Variants in PTPRD observed in about 807,000 individuals in gnomAD.
PTPRD encodes the protein protein tyrosine phosphatase receptor type D, also known as receptor-type tyrosine-protein phosphatase delta.
A neutral mutation model predicts 214.5 loss-of-function variants in PTPRD; 34 were observed. The observed-to-expected ratio is 0.16, with a 90% confidence interval of 0.12 to 0.21. The LOEUF is 0.21. Ranked by LOEUF, PTPRD falls within the 10% of genes least tolerant of loss-of-function variation. The pLI is 1.00. For synonymous variants in PTPRD, 1,128 were observed against 845.7 expected, an observed-to-expected ratio of 1.33 and a Z score of -5.79; for missense variants, 2,545 against 2,398.7, an observed-to-expected ratio of 1.06 and a Z score of -1.27.
intron 10 of PTPRD, among the ~76,000 whole-genome samples, chr9:9,181,820 A>C (rs2131439851): frequency 6.6e-6 from 1 of 152,210 alleles, no homozygotes; most frequent in Admixed American, 6.6e-5. Context: ...TCAGACAGAA[A>C]TAGAACTAAA....
At chr9:8,388,145 T>C (rs915422291) in intron 37 of PTPRD, among the ~76,000 whole-genome samples, 2 of 150,832 alleles carry the variant, frequency 1.3e-5, no homozygotes, top group Non-Finnish European at 3.0e-5. Flanking sequence ...CAGTTGTGGC[T>C]TTTTAATATG....
At chr9:9,647,802 A>G (rs1449945720) in intron 7 of PTPRD, among the ~76,000 whole-genome samples, 16 of 152,174 alleles carry the variant, frequency 1.1e-4, no homozygotes, top group Admixed American at 2.6e-4. Flanking sequence ...CCAAAATTTT[A>G]AATCCTGTCT....
chr9:8,763,502 G>T lies in PTPRD; in HGVS notation c.-103-29556C>A, dbSNP rs187493923. ...CACTCCAGCCTGGGTGACAGAGTGAGACTTGGTCTCAAAAAAATAAAGGCA... is the reference window on the plus strand; with the variant it reads ...CACTCCAGCCTGGGTGACAGAGTGATACTTGGTCTCAAAAAAATAAAGGCA... On this transcript the variant is annotated intron_variant, in intron 11 of 45. Coordinates refer to ENST00000381196, the MANE Select transcript of PTPRD (RefSeq NM_002839.4). Among the ~76,000 whole-genome samples the T allele has an allele frequency of 7.0e-4, 106 of 151,896 alleles. 1 individual carries two copies. Among genetic ancestry groups the T allele is most frequent in the Non-Finnish European group, 1.1e-3 (75 of 67,970 alleles).
At chr9:10,509,827 C>A (rs2047401975) in intron 2 of PTPRD, among the ~76,000 whole-genome samples, 1 of 151,512 alleles carries the variant, frequency 6.6e-6, no homozygotes, top group Non-Finnish European at 1.5e-5. Context: ...GATATATATG[C>A]ATGTATACCA....
At chr9:9,093,166 A>C (rs1013542429) in intron 10 of PTPRD, among the ~76,000 whole-genome samples, 2 of 152,100 alleles carry the variant, frequency 1.3e-5, no homozygotes, top group Non-Finnish European at 2.9e-5. Context: ...CTAACAACGG[A>C]ACTTCCAAAT....
chr9:8,437,756 G>C (rs1194250050), intron 34 of PTPRD, among the ~76,000 whole-genome samples: 1 of 152,120 alleles, frequency 6.6e-6, no homozygotes, highest in Admixed American at 6.5e-5. Flanking sequence ...GAGGGAAAGA[G>C]GGTGAAGAAA....
At chr9:10,084,232 G>C (rs1040806136) in intron 3 of PTPRD, among the ~76,000 whole-genome samples, 7 of 151,890 alleles carry the variant, frequency 4.6e-5, no homozygotes, top group Non-Finnish European at 7.4e-5. Flanking sequence ...TGTATGCATA[G>C]CTATCTTTTC....
intron 11 of PTPRD, among the ~76,000 whole-genome samples, chr9:8,921,113 C>G (rs958022466): frequency 6.6e-6 from 1 of 152,152 alleles, no homozygotes; most frequent in African/African-American, 2.4e-5. Context: ...CGCGTCTGGC[C>G]GAAGTTATTC....
At chr9:9,307,842 C>G (rs1348135851) in intron 9 of PTPRD, among the ~76,000 whole-genome samples, 1 of 152,188 alleles carries the variant, frequency 6.6e-6, no homozygotes, top group Non-Finnish European at 1.5e-5. Flanking sequence ...CACTTCGTGT[C>G]TGTTCTAGTT....
chr9:8,439,655 A>C (rs898291481), intron 34 of PTPRD, among the ~76,000 whole-genome samples: 4 of 152,258 alleles, frequency 2.6e-5, no homozygotes, highest in African/African-American at 9.6e-5. Context: ...GAAACTGTTT[A>C]GCTCATATCA....
chr9:10,503,943 C>T lies in PTPRD; in HGVS notation c.-600+108455G>A, dbSNP rs561304237. ...CATCCTGGCTAACACGGTGAAACCCCATCTCTACTAAAAATACAAAAAATT... is the reference window on the plus strand; with the variant it reads ...CATCCTGGCTAACACGGTGAAACCCTATCTCTACTAAAAATACAAAAAATT... On this transcript the variant is annotated intron_variant, in intron 2 of 45. Transcript: ENST00000381196. Among the ~76,000 whole-genome samples, 246 of 150,946 alleles carry T rather than the reference C, an allele frequency of 1.6e-3. 2 individuals carry two copies. Among genetic ancestry groups the T allele is most frequent in the Non-Finnish European group, 2.5e-3 (169 of 67,716 alleles).
At chr9:10,564,633 A>G (rs2065081633) in intron 2 of PTPRD, among the ~76,000 whole-genome samples, 1 of 152,012 alleles carries the variant, frequency 6.6e-6, no homozygotes, top group South Asian at 2.1e-4. Flanking sequence ...CTGCAAGACT[A>G]ATAGCACAAA....
At chr9:9,884,996 G>A (rs981043255) in intron 5 of PTPRD, among the ~76,000 whole-genome samples, 1 of 152,034 alleles carries the variant, frequency 6.6e-6, no homozygotes, top group Non-Finnish European at 1.5e-5. Flanking sequence ...TTTCAGAAAA[G>A]CAAAGAAAAC....
intron 3 of PTPRD, among the ~76,000 whole-genome samples, chr9:10,197,597 C>T (rs2099403136): frequency 6.6e-6 from 1 of 152,030 alleles, no homozygotes; most frequent in Admixed American, 6.6e-5. Flanking sequence ...CAAATCAGCC[C>T]TTTGAAAGGG....
chr9:8,337,695 T>C (rs1848359739), intron 43 of PTPRD, among the ~76,000 whole-genome samples: 1 of 151,792 alleles, frequency 6.6e-6, no homozygotes, highest in Non-Finnish European at 1.5e-5. Context: ...CCGGTTTCAA[T>C]CTTCTTTTGT....
At chr9:8,973,881 T>G (rs2099253399) in intron 11 of PTPRD, among the ~76,000 whole-genome samples, 3 of 152,102 alleles carry the variant, frequency 2.0e-5, no homozygotes, top group Non-Finnish European at 4.4e-5. Flanking sequence ...AAATACTTCT[T>G]TGTGTCTTTT....
chr9:8,652,691 A>G (rs922706652), intron 12 of PTPRD, among the ~76,000 whole-genome samples: 2 of 152,222 alleles, frequency 1.3e-5, no homozygotes, highest in Admixed American at 1.3e-4. Context: ...CCACTCTAAA[A>G]TATGAATGTG....
At chr9:9,620,742 T>G (rs1467575417) in intron 7 of PTPRD, among the ~76,000 whole-genome samples, 1 of 152,148 alleles carries the variant, frequency 6.6e-6, no homozygotes, top group Non-Finnish European at 1.5e-5. Flanking sequence ...ATATGTTAGC[T>G]CTTCATTTCC....
At chr9:9,387,101 A>G (rs184632850) in intron 9 of PTPRD, among the ~76,000 whole-genome samples, 64 of 152,352 alleles carry the variant, frequency 4.2e-4, no homozygotes, top group African/African-American at 1.5e-3. Context: ...CCAAAGACCT[A>G]CATTTACAAA....
Sources: gnomAD v4.1 joint callset for allele counts (sites outside exome capture counted in the v4.1 genomes callset) on GRCh38, gnomAD v4.1.1 for gene constraint, MANE v1.5 for transcripts, NCBI Gene and HGNC (gene_info 2026-07-23, HGNC 2026-07-21) for gene names.